AKT3: variants seen among roughly 807,000 people sequenced by gnomAD.
The protein encoded by AKT3 is RAC-gamma serine/threonine-protein kinase.
Under a neutral mutation model 65.3 loss-of-function variants are expected in AKT3, and 15 were observed. That is an observed-to-expected ratio of 0.23 (90% CI 0.15 to 0.35). The LOEUF (loss-of-function observed/expected upper bound fraction) is 0.35, where lower values mean the gene tolerates loss of function less well. Among genes scored for constraint, AKT3 ranks in the 10% least tolerant of loss-of-function variants. The pLI is 1.00. For missense variants in AKT3, 243 were observed against 576.5 expected, an observed-to-expected ratio of 0.42 and a Z score of 5.92; for synonymous variants, 206 against 183.8, an observed-to-expected ratio of 1.12 and a Z score of -0.98.
chr1:243,602,603 A>G (rs889975771), intron 8 of AKT3, among the ~76,000 whole-genome samples: 1 of 152,192 alleles, frequency 6.6e-6, no homozygotes, highest in African/African-American at 2.4e-5. Flanking sequence ...ATTTTGGTTC[A>G]CTGATAACAA....
rs78160571 is a variant in AKT3 at position 243,600,671 on chromosome 1, T to C, written c.696+13000A>G. Among the ~76,000 whole-genome samples the C allele has an allele frequency of 2.8e-3, 432 of 152,230 alleles. 2 individuals are homozygous for C. Among genetic ancestry groups the C allele is most frequent in the Middle Eastern group, 0.01 (3 of 294 alleles). ...ATTAAAATTAACTTGAAATGGCTCA[T>C]AGACCTAAATGCAAGAGCTAAAACT... On this transcript the variant is annotated intron_variant, in intron 8 of 13. Transcript: ENST00000673466.
At chr1:243,715,012 G>A (rs934505173) in intron 2 of AKT3, among the ~76,000 whole-genome samples, 3 of 152,062 alleles carry the variant, frequency 2.0e-5, no homozygotes, top group Admixed American at 1.3e-4. Context: ...TAAAATCACT[G>A]GTTTGAATTT....
At chr1:243,659,443 C>T (rs1682098986) in intron 4 of AKT3, among the ~76,000 whole-genome samples, 1 of 149,492 alleles carries the variant, frequency 6.7e-6, no homozygotes, top group African/African-American at 2.4e-5. Context: ...TAAAAGAATG[C>T]ACTAATGTAG....
At chr1:243,789,766 A>C (rs1691501503) in intron 2 of AKT3, among the ~76,000 whole-genome samples, 1 of 152,222 alleles carries the variant, frequency 6.6e-6, no homozygotes. Context: ...TGTATTTCTT[A>C]AATAATAAGA....
intron 9 of AKT3, among the ~76,000 whole-genome samples, chr1:243,564,157 CTCTT>C (rs1184253501): frequency 1.3e-5 from 2 of 152,020 alleles, no homozygotes; most frequent in African/African-American, 4.8e-5. Context: ...AACATCAATC[CTCTT>C]TTTTTAAAAA....
intron 8 of AKT3, among the ~76,000 whole-genome samples, chr1:243,575,840 T>C (rs1674902081): frequency 6.6e-6 from 1 of 151,872 alleles, no homozygotes. Flanking sequence ...AGGTGATTAA[T>C]AAAAATTTAG....
intron 2 of AKT3, among the ~76,000 whole-genome samples, chr1:243,734,783 A>T (rs1164697340): frequency 2.0e-5 from 3 of 152,236 alleles, no homozygotes; most frequent in African/African-American, 7.2e-5. Context: ...TAAACTGTTT[A>T]ATTTTGTAGC....
intron 2 of AKT3, among the ~76,000 whole-genome samples, chr1:243,784,638 C>T (rs1455811975): frequency 2.0e-5 from 3 of 152,280 alleles, no homozygotes; most frequent in East Asian, 3.9e-4. Flanking sequence ...TCCCTCATGC[C>T]GGGTGATACT....
intron 8 of AKT3, among the ~76,000 whole-genome samples, chr1:243,599,430 G>A (rs867214304): frequency 1.3e-5 from 2 of 152,130 alleles, no homozygotes; most frequent in South Asian, 2.1e-4. Flanking sequence ...GAGAACAACT[G>A]CACAAAAGAC....
At chr1:243,516,558 T>C (rs1035546977) in intron 12 of AKT3, among the ~76,000 whole-genome samples, 1 of 152,210 alleles carries the variant, frequency 6.6e-6, no homozygotes, top group Admixed American at 6.5e-5. Context: ...CTTTTTCTTT[T>C]TCTTGTTTTT....
intron 4 of AKT3, among the ~76,000 whole-genome samples, chr1:243,652,311 T>C (rs1558686163): frequency 6.6e-6 from 1 of 152,046 alleles, no homozygotes; most frequent in Non-Finnish European, 1.5e-5. Context: ...TGGCCTCCCA[T>C]AGTGCTGGAA....
chr1:243,643,946 T>C (rs1485716287), intron 5 of AKT3, among the ~76,000 whole-genome samples: 3 of 152,228 alleles, frequency 2.0e-5, no homozygotes, highest in Non-Finnish European at 2.9e-5. Flanking sequence ...ATGACAGTAA[T>C]ATTTTACCAC....
At chr1:243,607,449 CT>C (rs1246153003) in intron 8 of AKT3, among the ~76,000 whole-genome samples, 1 of 152,184 alleles carries the variant, frequency 6.6e-6, no homozygotes, top group Non-Finnish European at 1.5e-5. Flanking sequence ...GGACTTTAGA[CT>C]TGCATGGGGC....
At chr1:243,843,716 A>T (rs887618054) in intron 1 of AKT3, 18 of 365,978 alleles carry the variant, frequency 4.9e-5, no homozygotes, top group Non-Finnish European at 6.0e-5. Flanking sequence ...CAGTGGCGCG[A>T]TCTCTGCTCA....
intron 2 of AKT3, among the ~76,000 whole-genome samples, chr1:243,763,958 G>A (rs1159636207): frequency 2.6e-5 from 4 of 151,914 alleles, no homozygotes; most frequent in South Asian, 4.1e-4. Context: ...CTGAGACTAC[G>A]AAGTTAACAT....
At chr1:243,780,161 T>C (rs1271335842) in intron 2 of AKT3, among the ~76,000 whole-genome samples, 2 of 152,044 alleles carry the variant, frequency 1.3e-5, no homozygotes, top group Admixed American at 1.3e-4. Flanking sequence ...TTCCTATTAA[T>C]TATAAAGAAG....
intron 11 of AKT3, chr1:243,548,117 G>C (rs1672802045): frequency 6.6e-6 from 1 of 152,190 alleles, no homozygotes; most frequent in Non-Finnish European, 1.5e-5. Context: ...TGGGGAACCA[G>C]AGAAGCAAAA....
intron 1 of AKT3, chr1:243,843,550 AAT>A: frequency 1.9e-6 from 2 of 1,045,400 alleles, no homozygotes; most frequent in South Asian, 9.1e-5. Flanking sequence ...CTACCCAAAT[AAT>A]AGAGAAAATT....
At chr1:243,698,598 A>G (rs1357986494) in intron 2 of AKT3, among the ~76,000 whole-genome samples, 1 of 152,074 alleles carries the variant, frequency 6.6e-6, no homozygotes, top group Non-Finnish European at 1.5e-5. Flanking sequence ...CTATTTAAAA[A>G]TAAATGTATT....
Sources: allele counts gnomAD v4.1 joint callset (sites outside exome capture counted in the v4.1 genomes callset), GRCh38; gene constraint gnomAD v4.1.1; transcripts MANE v1.5; gene names NCBI Gene and HGNC (gene_info 2026-07-23, HGNC 2026-07-21).